PIBF1: variants seen among roughly 807,000 people sequenced by gnomAD.
PIBF1 encodes the protein progesterone immunomodulatory binding factor 1, also known as progesterone-induced-blocking factor 1.
PIBF1 carries 90 observed loss-of-function variants against 112.5 expected under a neutral mutation model. The ratio of observed to expected loss-of-function variants is 0.80; its 90% CI spans 0.67 to 0.95. PIBF1 has a LOEUF of 0.95. Among genes scored for constraint, PIBF1 ranks in the 40% least tolerant of loss-of-function variants. PIBF1 has a pLI of 0.00. For synonymous variants in PIBF1, 301 were observed against 288.6 expected (o/e 1.04, Z -0.44); for missense variants, 915 against 852.3 (o/e 1.07, Z -0.92).
chr13:72,931,732 A>ATATATATATATATATATATATC, intron 14 of PIBF1, among the ~76,000 whole-genome samples: 1 of 144,300 alleles, frequency 6.9e-6, no homozygotes, highest in Non-Finnish European at 1.5e-5. Context: ...ATATATATAT[A>ATATATATATATATATATATATC]TATATATATA....
chr13:72,896,147 G>C (rs940563594), intron 11 of PIBF1, among the ~76,000 whole-genome samples: 1 of 152,134 alleles, frequency 6.6e-6, no homozygotes, highest in African/African-American at 2.4e-5. Flanking sequence ...GAAAACCCCA[G>C]TACCAGCCTG....
intron 6 of PIBF1, among the ~76,000 whole-genome samples, chr13:72,822,424 A>G (rs1433020858): frequency 3.9e-5 from 6 of 152,014 alleles, no homozygotes; most frequent in Non-Finnish European, 7.4e-5. Flanking sequence ...CCTTTTTTTA[A>G]CTGGAATATT....
chr13:73,008,549 C>T (rs2044106780), intron 17 of PIBF1, among the ~76,000 whole-genome samples: 1 of 152,228 alleles, frequency 6.6e-6, no homozygotes, highest in East Asian at 1.9e-4. Context: ...TTACTTTGTG[C>T]CAAGTACTAT....
intron 10 of PIBF1, among the ~76,000 whole-genome samples, chr13:72,876,569 A>G (rs1264972771): frequency 6.6e-6 from 1 of 152,140 alleles, no homozygotes; most frequent in African/African-American, 2.4e-5. Context: ...CCATATATGT[A>G]GAGTATTTTT....
intron 10 of PIBF1, among the ~76,000 whole-genome samples, chr13:72,875,722 G>GCCA: frequency 6.6e-6 from 1 of 152,058 alleles, no homozygotes; most frequent in East Asian, 1.9e-4. Context: ...GTGTTTATTG[G>GCCA]CCATCACTGT....
rs1002514960 is a variant in PIBF1 at position 72,835,283 on chromosome 13, G to A, written c.1138G>A (p.Glu380Lys). Reference protein sequence around the residue: ...KTEYENKLHDELEQIRLKTNQ... With the variant: ...KTEYENKLHDKLEQIRLKTNQ... ...AGAATATGAAAATAAACTACATGAT[G>A]AACTAGAACAAATCAGATTGAAAAC... The change falls in exon 9 of 18, where the codon GAA becomes AAA. Residue 380 changes from glutamate to lysine, a missense_variant. By Grantham distance (56) the Glu-to-Lys change is moderately conservative. Coordinates refer to ENST00000326291, the MANE Select transcript of PIBF1 (RefSeq NM_006346.4). 1.3e-6 allele frequency: 2 copies of A among 1,589,416 alleles called. No homozygotes were observed. Among genetic ancestry groups the A allele is most frequent in the Middle Eastern group, 1.7e-4 (1 of 5,954 alleles).
At chr13:72,927,596 A>T (rs991124572) in intron 13 of PIBF1, among the ~76,000 whole-genome samples, 5 of 152,178 alleles carry the variant, frequency 3.3e-5, no homozygotes, top group Non-Finnish European at 7.3e-5. Context: ...CATGTTGGCC[A>T]GGCTGGTCTC....
At chr13:72,880,700 ATACT>A (rs913914603) in intron 10 of PIBF1, among the ~76,000 whole-genome samples, 4 of 152,230 alleles carry the variant, frequency 2.6e-5, no homozygotes, top group African/African-American at 9.6e-5. Flanking sequence ...ATAAAAATAA[ATACT>A]TAAAGTCACA....
intron 15 of PIBF1, among the ~76,000 whole-genome samples, chr13:72,972,031 T>C (rs1000692971): frequency 6.6e-6 from 1 of 150,516 alleles, no homozygotes; most frequent in Non-Finnish European, 1.5e-5. Flanking sequence ...TTTATTTATT[T>C]ATTTATTTAT....
chr13:72,875,985 G>T (rs1221893907), intron 10 of PIBF1, among the ~76,000 whole-genome samples: 3 of 151,720 alleles, frequency 2.0e-5, no homozygotes, highest in Non-Finnish European at 2.9e-5. Flanking sequence ...TGTGTTTGTT[G>T]TTTTGTCTAA....
chr13:72,820,694 T>C (rs1271321945), intron 5 of PIBF1, among the ~76,000 whole-genome samples: 3 of 152,158 alleles, frequency 2.0e-5, no homozygotes, highest in Non-Finnish European at 2.9e-5. Context: ...ATCCAGTCAG[T>C]ATGTGTGGAG....
At chr13:72,991,476 T>G (rs555574074) in intron 16 of PIBF1, among the ~76,000 whole-genome samples, 1 of 152,322 alleles carries the variant, frequency 6.6e-6, no homozygotes, top group Non-Finnish European at 1.5e-5. Flanking sequence ...ATTCATATAG[T>G]AATGGTAATT....
intron 11 of PIBF1, among the ~76,000 whole-genome samples, chr13:72,899,033 G>T (rs893205540): frequency 3.3e-5 from 5 of 151,902 alleles, no homozygotes; most frequent in Non-Finnish European, 5.9e-5. Flanking sequence ...AAAAGAGATG[G>T]ATAAATTCCT....
chr13:72,836,639 T>C (rs2037373419), intron 9 of PIBF1, among the ~76,000 whole-genome samples: 1 of 152,176 alleles, frequency 6.6e-6, no homozygotes, highest in East Asian at 1.9e-4. Context: ...GAGATTTTTA[T>C]GCTAATGCCT....
rs898548940 is a variant in PIBF1, at chr13:72,916,900, A to T, written c.1640-176A>T. On this transcript the variant is annotated intron_variant, in intron 12 of 17. Transcript: ENST00000326291. ...ATAAATGGAGCAAATTCAAGCAAGG[A>T]TATACTTTAAGAAATATGTTTCTAC... Among the ~76,000 whole-genome samples, 6 of 152,274 alleles carry T rather than the reference A, an allele frequency of 3.9e-5. No homozygotes were observed. The East Asian group carries it at 9.6e-4, about 24-fold the overall frequency.
chr13:72,857,423 G>A (rs1472701883), intron 10 of PIBF1, among the ~76,000 whole-genome samples: 2 of 152,190 alleles, frequency 1.3e-5, no homozygotes, highest in Admixed American at 6.5e-5. Flanking sequence ...CTGCCATAAG[G>A]AAAGTCAAAA....
At chr13:72,865,495 G>T (rs886921486) in intron 10 of PIBF1, among the ~76,000 whole-genome samples, 2 of 152,074 alleles carry the variant, frequency 1.3e-5, no homozygotes, top group South Asian at 2.1e-4. Context: ...AATTTCAGTG[G>T]CCAATCTATC....
chr13:72,991,250 T>G (rs1019587363), intron 16 of PIBF1, among the ~76,000 whole-genome samples: 1 of 151,826 alleles, frequency 6.6e-6, no homozygotes, highest in African/African-American at 2.4e-5. Context: ...AAGAACAGTT[T>G]ATCTCTCTCA....
intron 10 of PIBF1, among the ~76,000 whole-genome samples, chr13:72,876,486 T>A (rs2039411963): frequency 6.6e-6 from 1 of 152,186 alleles, no homozygotes; most frequent in Non-Finnish European, 1.5e-5. Flanking sequence ...GTTGGGATTT[T>A]GATTGGGATT....
Sources: allele counts gnomAD v4.1 joint callset (sites outside exome capture counted in the v4.1 genomes callset), GRCh38; gene constraint gnomAD v4.1.1; transcripts MANE v1.5; gene names NCBI Gene and HGNC (gene_info 2026-07-23, HGNC 2026-07-21).